Variants in PUDP observed in about 807,000 individuals in gnomAD.
PUDP encodes pseudouridine 5'-phosphatase, also known as pseudouridine-5'-phosphatase.
In PUDP, 8 loss-of-function variants were observed where a neutral mutation model predicts 9.4. The ratio of observed to expected loss-of-function variants is 0.85; its 90% CI spans 0.50 to 1.53. The LOEUF (loss-of-function observed/expected upper bound fraction) is 1.53. Ranked by LOEUF, PUDP falls within the 40% of genes most tolerant of loss-of-function variation. PUDP has a pLI of 0.00. For missense variants in PUDP, 188 were observed against 189.7 expected, an observed-to-expected ratio of 0.99 and a Z score of 0.05; for synonymous variants, 99 against 80.7, an observed-to-expected ratio of 1.23 and a Z score of -1.22.
chrX:6,776,858 A>G (rs1925473067), intron 3 of PUDP, among the ~76,000 whole-genome samples: 1 of 112,518 alleles, frequency 8.9e-6, no homozygotes, highest in African/African-American at 3.2e-5. Context: ...TTTTTATGAA[A>G]TACAAATAAT....
At chrX:7,081,851 T>C (rs1430762479) in intron 2 of PUDP, among the ~76,000 whole-genome samples, 1 of 112,862 alleles carries the variant, frequency 8.9e-6, no homozygotes, top group Non-Finnish European at 1.9e-5. Context: ...AGATAAATGT[T>C]AGGTAGTGTC....
intron 1 of PUDP, among the ~76,000 whole-genome samples, chrX:6,981,889 A>AATAAACAATG (rs1390335743): frequency 1.9e-4 from 21 of 110,612 alleles, no homozygotes; most frequent in Admixed American, 1.5e-3. Context: ...TGCCGGGCAG[A>AATAAACAATG]ATAAACAATG....
intron 3 of PUDP, among the ~76,000 whole-genome samples, chrX:6,823,985 C>T (rs1926385613): frequency 8.9e-6 from 1 of 112,252 alleles, no homozygotes; most frequent in African/African-American, 3.2e-5. Context: ...TGGGTTTTGG[C>T]CGGCTTCTTT....
At chrX:6,832,764 G>A (rs1002623959) in intron 3 of PUDP, among the ~76,000 whole-genome samples, 13 of 112,125 alleles carry the variant, frequency 1.2e-4, no homozygotes, top group African/African-American at 3.9e-4. Flanking sequence ...AACCCATAGG[G>A]TTCTGCCTTG....
intron 3 of PUDP, among the ~76,000 whole-genome samples, chrX:6,957,779 T>G (rs1928649674): frequency 8.9e-6 from 1 of 111,834 alleles, no homozygotes; most frequent in Admixed American, 9.5e-5. Flanking sequence ...TGATGAAGGC[T>G]CAGAAAAGGA....
At chrX:6,815,394 T>A (rs893073833) in intron 3 of PUDP, among the ~76,000 whole-genome samples, 3 of 111,946 alleles carry the variant, frequency 2.7e-5, no homozygotes, top group African/African-American at 9.7e-5. Flanking sequence ...ACCAACTACA[T>A]CCGTTATAGT....
intron 3 of PUDP, among the ~76,000 whole-genome samples, chrX:7,068,052 C>T (rs1029508680): frequency 8.9e-6 from 1 of 111,752 alleles, no homozygotes; most frequent in African/African-American, 3.3e-5. Flanking sequence ...AACCTCTTTC[C>T]TGTATAAATT....
rs185531934 is a variant in PUDP, at chrX:7,017,385, A to T, written c.205-39042T>A. ...CAGCCCATGAGAGCAGCATCCTGAG[A>T]TATTATTTATTGTCAAACTTCTCTT... On this transcript the variant is annotated intron_variant and NMD_transcript_variant, in intron 1 of 3. Coordinates refer to the PUDP transcript ENST00000655425. Among the ~76,000 whole-genome samples the T allele has an allele frequency of 2.2e-4, 25 of 111,571 alleles. 1 individual carries two copies. Among genetic ancestry groups the T allele is most frequent in the African/African-American group, 8.2e-4 (25 of 30,646 alleles).
At chrX:6,933,074 C>T (rs775974848) in intron 3 of PUDP, among the ~76,000 whole-genome samples, 363 of 110,779 alleles carry the variant, frequency 3.3e-3, no homozygotes, top group Non-Finnish European at 5.4e-3. Flanking sequence ...GCAGTAACCT[C>T]TGCAGACTTA....
chrX:6,716,611 C>T (rs1025275883), intron 1 of PUDP, among the ~76,000 whole-genome samples: 4 of 107,757 alleles, frequency 3.7e-5, no homozygotes, highest in African/African-American at 1.0e-4. Context: ...TTTGCTTTTC[C>T]TTTAAATATA....
chrX:6,792,753 G>A (rs1925770134), intron 3 of PUDP, among the ~76,000 whole-genome samples: 1 of 112,711 alleles, frequency 8.9e-6, no homozygotes, highest in African/African-American at 3.2e-5. Context: ...AGGTTCCCAT[G>A]TCATGTAAAA....
intron 2 of PUDP, chrX:7,085,531 C>A (rs1163695304): frequency 1.8e-5 from 2 of 112,038 alleles, no homozygotes; most frequent in Admixed American, 9.4e-5. Context: ...ACCTGGGATT[C>A]CATAAAATGG....
At chrX:7,056,828 G>C (rs757249248) in intron 3 of PUDP, among the ~76,000 whole-genome samples, 2 of 112,361 alleles carry the variant, frequency 1.8e-5, no homozygotes, top group East Asian at 5.6e-4. Flanking sequence ...GAAGTTCAGA[G>C]GCAAGCTGGA....
At chrX:6,720,258 G>GTGTGTGTGTATATATATA (rs1555907522) in intron 1 of PUDP, among the ~76,000 whole-genome samples, 1 of 48,805 alleles carries the variant, frequency 2.0e-5, no homozygotes, top group African/African-American at 1.0e-4. Context: ...GTGTGTGTGT[G>GTGTGTGTGTATATATATA]TATATATATA....
At chrX:7,001,795 A>G (rs888054541) in intron 1 of PUDP, among the ~76,000 whole-genome samples, 2 of 111,883 alleles carry the variant, frequency 1.8e-5, no homozygotes, top group African/African-American at 6.5e-5. Flanking sequence ...TACATCTCAC[A>G]CTCTACACAA....
intron 2 of PUDP, among the ~76,000 whole-genome samples, chrX:7,100,126 T>C (rs181058024): frequency 4.3e-5 from 4 of 92,233 alleles, no homozygotes; most frequent in African/African-American, 1.2e-4. Context: ...TGCAGCATAA[T>C]TGGACTGATT....
chrX:6,743,616 C>T (rs1924965169), intron 3 of PUDP, among the ~76,000 whole-genome samples: 1 of 111,972 alleles, frequency 8.9e-6, no homozygotes, highest in Non-Finnish European at 1.9e-5. Flanking sequence ...GCAAGTTAAT[C>T]AATAGGTCAG....
At chrX:6,882,334 A>C (rs1183367230) in intron 3 of PUDP, among the ~76,000 whole-genome samples, 1 of 111,883 alleles carries the variant, frequency 8.9e-6, no homozygotes, top group Non-Finnish European at 1.9e-5. Flanking sequence ...AGCTAAGCAC[A>C]GGAAAGTGTT....
chrX:7,072,166 C>G (rs553966463), intron 3 of PUDP, among the ~76,000 whole-genome samples: 1 of 111,492 alleles, frequency 9.0e-6, no homozygotes, highest in South Asian at 3.8e-4. Context: ...TGAAATGAGC[C>G]CAGTCTACCT....
Sources: gnomAD v4.1 joint callset for allele counts (sites outside exome capture counted in the v4.1 genomes callset) on GRCh38, gnomAD v4.1.1 for gene constraint, MANE v1.5 for transcripts, NCBI Gene and HGNC (gene_info 2026-07-23, HGNC 2026-07-21) for gene names.